Variants in ITFG2 observed in about 807,000 individuals in gnomAD.
The protein encoded by ITFG2 is integrin alpha FG-GAP repeat containing 2.
A neutral mutation model predicts 54.4 loss-of-function variants in ITFG2; 36 were observed. That is an observed-to-expected ratio of 0.66 (90% confidence interval 0.51 to 0.87). The LOEUF is 0.87. Among genes scored for constraint, ITFG2 ranks in the 40% least tolerant of loss-of-function variants. ITFG2 has a pLI of 0.00. For missense variants in ITFG2, 524 were observed against 576.7 expected, an observed-to-expected ratio of 0.91 and a Z score of 0.94; for synonymous variants, 211 against 225.4, an observed-to-expected ratio of 0.94 and a Z score of 0.57.
chr12:2,847,674 A>G (rs546046481), intron 2 of ITFG2, among the ~76,000 whole-genome samples: 1 of 151,786 alleles, frequency 6.6e-6, no homozygotes, highest in Non-Finnish European at 1.5e-5. Flanking sequence ...AAAAAAAAAA[A>G]AAAAAAGCCC....
At chr12:2,822,210 C>G (rs983949341) in intron 9 of ITFG2, among the ~76,000 whole-genome samples, 1 of 152,194 alleles carries the variant, frequency 6.6e-6, no homozygotes, top group Non-Finnish European at 1.5e-5. Context: ...GCATGAGCCA[C>G]TGTGCCTGGC....
intron 4 of ITFG2, chr12:2,818,550 C>T (rs553540768): frequency 6.0e-5 from 29 of 482,878 alleles, no homozygotes; most frequent in Admixed American, 1.3e-4. Flanking sequence ...GTGATACCAA[C>T]GCTTTGGGAG....
chr12:2,844,247 C>A (rs1465234719), intron 2 of ITFG2, among the ~76,000 whole-genome samples: 1 of 151,716 alleles, frequency 6.6e-6, no homozygotes, highest in Non-Finnish European at 1.5e-5. Context: ...GAGAGTGAGA[C>A]CCTGTCTCAA....
At position 2,822,909 on chromosome 12, in the gene ITFG2, C is replaced by T; in HGVS notation, c.1064C>T (p.Ala355Val). 1.2e-6 allele frequency: 2 copies of T among 1,612,516 alleles called. No homozygotes were observed. Among genetic ancestry groups the T allele is most frequent in the Non-Finnish European group, 1.7e-6 (2 of 1,178,530 alleles). The change falls in exon 10 of 12, where the codon GCA becomes GTA. Residue 355 changes from alanine to valine, a missense_variant and splice_region_variant. Ala to Val is a moderately conservative substitution (Grantham distance 64). Transcript: ENST00000228799. ...QVDENIRAFC[A>V]GLYACKEGRN... ...GATGAAAATATCCGTGCCTTCTGTG[C>T]AGGTGACCCCCGCCCCCATGGCCCC... is the stretch of plus-strand genomic sequence containing the variant.
downstream of ITFG2, chr12:2,827,697 A>G: frequency 6.2e-7 from 1 of 1,613,814 alleles, no homozygotes; most frequent in Non-Finnish European, 8.5e-7. The surrounding 1 kb of genome is among the most constrained non-coding windows in gnomAD (Gnocchi z 4.0). Flanking sequence ...CAATTTGAAA[A>G]CAGAAGAGGC....
chr12:2,818,312 G>A, intron 4 of ITFG2, 35 bp downstream of exon 4: 2 of 1,605,856 alleles, frequency 1.2e-6, no homozygotes, highest in Non-Finnish European at 1.7e-6. Flanking sequence ...AGCCAGGAGA[G>A]TAGGAGTCAG....
chr12:2,820,959 G>A (rs1197278675), intron 6 of ITFG2, 87 bp downstream of exon 6: 3 of 1,413,828 alleles, frequency 2.1e-6, no homozygotes, highest in African/African-American at 2.8e-5. Context: ...AAATGGGTCT[G>A]CAGTTGGCAG....
upstream of ITFG2, chr12:2,835,376 T>A: frequency 3.7e-6 from 1 of 267,460 alleles, no homozygotes; most frequent in Non-Finnish European, 5.9e-6. Context: ...CCAGCTGTTT[T>A]CTCCTGGCAT....
chr12:2,855,347 G>A (rs970237844), intron 2 of ITFG2: 24 of 1,531,808 alleles, frequency 1.6e-5, no homozygotes, highest in Non-Finnish European at 2.0e-5. Context: ...TGGTAGGCTT[G>A]CCGGGTGAAG....
chr12:2,812,913 G>T, intron 1 of ITFG2, 57 bp downstream of exon 1: 1 of 1,471,714 alleles, frequency 6.8e-7, no homozygotes, highest in Non-Finnish European at 9.4e-7. Flanking sequence ...CGGGGCAAGG[G>T]AAGTGGAAGA....
upstream of ITFG2, among the ~76,000 whole-genome samples, chr12:2,833,809 C>T (rs1250538545): frequency 1.3e-5 from 2 of 152,214 alleles, no homozygotes; most frequent in Non-Finnish European, 2.9e-5. Context: ...TCTAACAACT[C>T]TCCCAACAAT....
At chr12:2,830,865 C>T (rs906961549) in exon 3 of ITFG2, 1 of 1,611,218 alleles carries the variant, frequency 6.2e-7, no homozygotes, top group African/African-American at 1.3e-5. Flanking sequence ...CGGCTGCTGG[C>T]TCCATCACAA....
chr12:2,835,255 T>C, upstream of ITFG2: 2 of 973,740 alleles, frequency 2.1e-6, no homozygotes, highest in Non-Finnish European at 2.4e-6. Flanking sequence ...CCGTGCCAGG[T>C]GGTTTGCGAG....
At chr12:2,839,525 T>C (rs1233854668) in intron 1 of ITFG2, among the ~76,000 whole-genome samples, 1 of 152,206 alleles carries the variant, frequency 6.6e-6, no homozygotes, top group African/African-American at 2.4e-5. Flanking sequence ...GTGATAAATA[T>C]GGCTCCTTCG....
intron 5 of ITFG2, 128 bp downstream of exon 5, chr12:2,820,353 G>T: frequency 3.4e-6 from 4 of 1,159,964 alleles, no homozygotes; most frequent in Non-Finnish European, 3.6e-6. Context: ...CTTGTCAAGA[G>T]AGATCCAAAG....
intron 2 of ITFG2, among the ~76,000 whole-genome samples, chr12:2,854,068 C>T (rs895097223): frequency 1.3e-5 from 2 of 152,154 alleles, no homozygotes; most frequent in African/African-American, 4.8e-5. Context: ...TCTTGTTGCC[C>T]CGGCTGGAGT....
upstream of ITFG2, among the ~76,000 whole-genome samples, chr12:2,832,043 A>C (rs2098005827): frequency 6.6e-6 from 1 of 152,104 alleles, no homozygotes; most frequent in Non-Finnish European, 1.5e-5. Flanking sequence ...GGAAGCTAAA[A>C]ACCTTGCTAC....
chr12:2,840,446 ACT>A (rs1167473914), intron 1 of ITFG2, among the ~76,000 whole-genome samples: 3 of 140,982 alleles, frequency 2.1e-5, no homozygotes, highest in African/African-American at 8.5e-5. Flanking sequence ...ACAGAGCGAG[ACT>A]CTGTCTCAAA....
At chr12:2,822,941 A>G (rs1180421580) in intron 10 of ITFG2, 30 bp downstream of exon 10, 1 of 1,554,196 alleles carries the variant, frequency 6.4e-7, no homozygotes, top group Non-Finnish European at 8.9e-7. Context: ...CCCCTTTCTA[A>G]CCACACTTAA....
Sources: allele counts gnomAD v4.1 joint callset (sites outside exome capture counted in the v4.1 genomes callset), GRCh38; gene constraint gnomAD v4.1.1; non-coding constraint Gnocchi (gnomAD v3.1); transcripts MANE v1.5; gene names NCBI Gene and HGNC (gene_info 2026-07-23, HGNC 2026-07-21).